The following MMP16 variants were observed in gnomAD, a reference collection of about 807,000 sequenced individuals.
The protein encoded by MMP16 is matrix metallopeptidase 16.
In MMP16, 12 loss-of-function variants were observed where a neutral mutation model predicts 67.8. The observed-to-expected ratio is 0.18, with a 90% CI of 0.11 to 0.29. The LOEUF (loss-of-function observed/expected upper bound fraction) is 0.29. MMP16 is among the 10% of genes least tolerant of loss of function. MMP16 has a pLI of 1.00. For missense variants in MMP16, 475 were observed against 765.7 expected (o/e 0.62, Z 4.48); for synonymous variants, 249 against 255.9 (o/e 0.97, Z 0.26).
In MMP16 at chr8:88,184,746, C is replaced by CAAAAAA. The variant is rs61606557; in HGVS notation, c.404+1724_404+1729dup. ...TGAGCGACAGAGTGAGGCCCTGTCT[C>CAAAAAA]AAAAAAAAAAAAAAAAAAAAAAAAA... On this transcript the variant is annotated intron_variant, in intron 3 of 9. Transcript: ENST00000286614. 1.1e-3 allele frequency among the ~76,000 whole-genome samples: 52 copies of CAAAAAA among 47,476 alleles called. 1 individual carries two copies. The highest frequency in any genetic ancestry group is 1.3e-3 in the Non-Finnish European group (38 of 28,598). 31.1% of individuals were successfully genotyped at this position (47,476 alleles called of 152,430 possible).
At chr8:88,204,971 T>A (rs1809403572) in intron 1 of MMP16, among the ~76,000 whole-genome samples, 1 of 152,172 alleles carries the variant, frequency 6.6e-6, no homozygotes, top group Non-Finnish European at 1.5e-5. Flanking sequence ...TCTCTCAAAC[T>A]ATTCCCTTGC....
intron 1 of MMP16, among the ~76,000 whole-genome samples, chr8:88,247,204 T>C (rs1810127040): frequency 6.6e-6 from 1 of 152,126 alleles, no homozygotes; most frequent in Admixed American, 6.5e-5. Flanking sequence ...GAAGACAGTG[T>C]TTATATAATA....
chr8:88,178,572 T>C (rs1213580611), intron 3 of MMP16, among the ~76,000 whole-genome samples: 2 of 152,200 alleles, frequency 1.3e-5, no homozygotes, highest in Non-Finnish European at 2.9e-5. Context: ...GAAAATTGTG[T>C]CTGTTTATTG....
At chr8:88,078,472 G>T (rs10504852) in intron 6 of MMP16, among the ~76,000 whole-genome samples, 42,075 of 151,972 alleles carry the variant, frequency 0.28, 6,341 homozygotes, top group Non-Finnish European at 0.35. Context: ...TGTTTGCTGA[G>T]AACTATATGG....
Position 88,132,888 on chromosome 8 carries a change from C to T in MMP16, c.710-14027G>A, listed in dbSNP as rs1179164662. ...CAATTTCTGGGTTTTAGATATTGTA[C>T]TAGGTGTTTGCACTCATTGTAATAT... On this transcript the variant is annotated intron_variant, in intron 4 of 9. Coordinates refer to ENST00000286614, the MANE Select transcript of MMP16 (RefSeq NM_005941.5). 2.0e-5 allele frequency among the ~76,000 whole-genome samples: 3 copies of T among 151,910 alleles called. No homozygotes were observed. The East Asian group carries it at 5.9e-4, about 30-fold the overall frequency.
chr8:88,070,372 C>G (rs762760751), intron 7 of MMP16, among the ~76,000 whole-genome samples: 6 of 152,110 alleles, frequency 3.9e-5, no homozygotes, highest in Non-Finnish European at 7.4e-5. Context: ...TGAGGTAAGG[C>G]CCTTTTCAAT....
intron 4 of MMP16, among the ~76,000 whole-genome samples, chr8:88,139,233 C>G (rs1808171710): frequency 6.6e-6 from 1 of 152,074 alleles, no homozygotes; most frequent in Non-Finnish European, 1.5e-5. Context: ...TATAGCTTTG[C>G]AAATTTACCT....
chr8:88,283,762 C>A (rs544630399), intron 1 of MMP16, among the ~76,000 whole-genome samples: 1 of 152,192 alleles, frequency 6.6e-6, no homozygotes, highest in Non-Finnish European at 1.5e-5. Flanking sequence ...ACCTGTGATA[C>A]CGAGAACATA....
chr8:88,273,947 G>A (rs2129978560), intron 1 of MMP16, among the ~76,000 whole-genome samples: 1 of 152,182 alleles, frequency 6.6e-6, no homozygotes, highest in African/African-American at 2.4e-5. Context: ...TGTCATAGCT[G>A]TTATTTTTAT....
At chr8:88,110,811 A>T in intron 6 of MMP16, among the ~76,000 whole-genome samples, 1 of 151,718 alleles carries the variant, frequency 6.6e-6, no homozygotes, top group East Asian at 1.9e-4. Flanking sequence ...TTTAAAAATA[A>T]TTTCAAATAG....
intron 4 of MMP16, among the ~76,000 whole-genome samples, chr8:88,165,196 A>AG (rs1393799811): frequency 1.3e-5 from 2 of 150,394 alleles, no homozygotes; most frequent in Non-Finnish European, 3.0e-5. Context: ...AAAAAAAAAA[A>AG]AAAGAAAGAA....
intron 6 of MMP16, among the ~76,000 whole-genome samples, chr8:88,092,083 A>C (rs1808947820): frequency 6.6e-6 from 1 of 151,862 alleles, no homozygotes; most frequent in Admixed American, 6.6e-5. Context: ...CATAATTCTA[A>C]GGCATTAGTG....
intron 1 of MMP16, among the ~76,000 whole-genome samples, chr8:88,266,018 T>A (rs1810471572): frequency 6.6e-6 from 1 of 152,234 alleles, no homozygotes; most frequent in Admixed American, 6.5e-5. Context: ...GCTTGCTCTA[T>A]CCATATTTCT....
intron 6 of MMP16, among the ~76,000 whole-genome samples, chr8:88,081,258 G>T (rs1187835351): frequency 6.6e-6 from 1 of 152,166 alleles, no homozygotes; most frequent in South Asian, 2.1e-4. Flanking sequence ...GGGAGGAAAA[G>T]TGTACTTTGG....
At chr8:88,307,074 CA>C (rs1439497066) in intron 1 of MMP16, among the ~76,000 whole-genome samples, 2 of 152,150 alleles carry the variant, frequency 1.3e-5, no homozygotes, top group Non-Finnish European at 2.9e-5. Context: ...GCAACTTCAG[CA>C]AAGTCTCAGA....
intron 4 of MMP16, among the ~76,000 whole-genome samples, chr8:88,129,924 G>T (rs1274676653): frequency 1.3e-5 from 2 of 151,612 alleles, no homozygotes; most frequent in Non-Finnish European, 3.0e-5. Context: ...GGCCTATCGA[G>T]TGATTACCCA....
intron 4 of MMP16, among the ~76,000 whole-genome samples, chr8:88,133,101 T>C (rs2118479468): frequency 6.6e-6 from 1 of 152,000 alleles, no homozygotes; most frequent in South Asian, 2.1e-4. Flanking sequence ...TCTATGATAA[T>C]AGAAAATGAT....
intron 2 of MMP16, among the ~76,000 whole-genome samples, chr8:88,191,781 G>A (rs2129768151): frequency 6.6e-6 from 1 of 152,314 alleles, no homozygotes; most frequent in African/African-American, 2.4e-5. Flanking sequence ...CTCACTGCAT[G>A]ACTCTTAAGA....
At chr8:88,290,777 T>C (rs923227444) in intron 1 of MMP16, among the ~76,000 whole-genome samples, 1 of 152,120 alleles carries the variant, frequency 6.6e-6, no homozygotes, top group Non-Finnish European at 1.5e-5. Context: ...TCAAGAATGC[T>C]GTTCACCAAA....
Sources: allele counts gnomAD v4.1 joint callset (sites outside exome capture counted in the v4.1 genomes callset), GRCh38; gene constraint gnomAD v4.1.1; transcripts MANE v1.5; gene names NCBI Gene and HGNC (gene_info 2026-07-23, HGNC 2026-07-21).